Variants in GOLGA3 observed in about 807,000 individuals in gnomAD.
GOLGA3 encodes the protein golgin A3.
In GOLGA3, 75 loss-of-function variants were observed where a neutral mutation model predicts 169.4. The observed-to-expected ratio is 0.44, with a 90% CI of 0.37 to 0.54. GOLGA3 has a LOEUF of 0.54. Among genes scored for constraint, GOLGA3 ranks in the 20% least tolerant of loss-of-function variants. The pLI, the probability that GOLGA3 is intolerant of heterozygous loss-of-function variation, is 0.00. For missense variants in GOLGA3, 1,899 were observed against 1,930.0 expected (o/e 0.98, Z 0.30); for synonymous variants, 824 against 822.4 (o/e 1.00, Z -0.03).
intron 8 of GOLGA3, among the ~76,000 whole-genome samples, chr12:132,801,051 G>A (rs773925259): frequency 7.2e-5 from 11 of 152,230 alleles, no homozygotes; most frequent in Non-Finnish European, 1.5e-4. Context: ...GCTGAGACTC[G>A]GATCGAGGTT....
intron 11 of GOLGA3, among the ~76,000 whole-genome samples, chr12:132,794,450 T>A (rs1485693756): frequency 6.6e-6 from 1 of 151,652 alleles, no homozygotes; most frequent in Non-Finnish European, 1.5e-5. Context: ...GTCGGCTGAC[T>A]ATGGTCCCCA....
chr12:132,773,849 T>G lies in GOLGA3; in HGVS notation c.4307+308A>C, dbSNP rs1274038106. 2.4e-5 allele frequency among the ~76,000 whole-genome samples: 3 copies of G among 124,628 alleles called. No homozygotes were observed. The East Asian group carries it at 8.2e-4, about 34-fold the overall frequency. 81.8% of individuals were successfully genotyped at this position (124,628 alleles called of 152,430 possible). On this transcript the variant is annotated intron_variant, in intron 23 of 23. Transcript: ENST00000450791. ...GGCTGTGCGAGTCCCCCTCCCCCTTTATATAAACCGCAGAGGCTGTGAGTC... is the reference window on the plus strand; with the variant it reads ...GGCTGTGCGAGTCCCCCTCCCCCTTGATATAAACCGCAGAGGCTGTGAGTC...
At chr12:132,816,901 G>A (rs1373475913) in intron 2 of GOLGA3, 89 bp from the exon 3 acceptor site, 14 of 1,181,120 alleles carry the variant, frequency 1.2e-5, no homozygotes, top group Non-Finnish European at 1.1e-5. Flanking sequence ...GGAGAGAAGA[G>A]GATCCAGACT....
chr12:132,780,120 T>TGC (rs2045504379), intron 18 of GOLGA3, among the ~76,000 whole-genome samples: 3 of 23,944 alleles, frequency 1.3e-4, no homozygotes, highest in East Asian at 9.6e-4. Context: ...GCCCCCCGCG[T>TGC]GCACACACCC....
Position 132,801,749 on chromosome 12 carries a change from G to T in GOLGA3, c.1800+18C>A, listed in dbSNP as rs1229095943. 1 of 1,606,218 alleles carries T rather than the reference G, an allele frequency of 6.2e-7. No individual in the cohort carries two copies. Among genetic ancestry groups the T allele is most frequent in the Non-Finnish European group, 8.5e-7 (1 of 1,174,958 alleles). ...ACAAGAAGCGTGACCTGCCCTGGAA[G>T]GTAGATGTGGGCCGTACCTGGATGT... On this transcript the variant is annotated intron_variant, in intron 8 of 23. Transcript: ENST00000450791.
At position 132,796,043 on chromosome 12, in the gene GOLGA3, C is replaced by T. The variant is rs1303048231; in HGVS notation, c.2278G>A (p.Glu760Lys). The stretch of plus-strand genomic sequence containing the variant: ...ATCGTGTCCTCCCTGGAGGCGGCCT[C>T]GCCCTGCAGCTCCCCCAGCCTGGCC... ...LQARLGELQG[E>K]AASREDTICL... The change falls in exon 11 of 24, where the codon GAG (glutamate) becomes AAG (lysine). Residue 760 changes from glutamate to lysine, a missense_variant. Glu to Lys is a moderately conservative substitution (Grantham distance 56). Coordinates refer to ENST00000450791, the MANE Select transcript of GOLGA3 (RefSeq NM_001389683.1). The T allele has an allele frequency of 2.5e-6, 4 of 1,612,402 alleles. No individual in the cohort carries two copies. The highest frequency in any genetic ancestry group is 1.3e-5 in the African/African-American group (1 of 74,938).
intron 2 of GOLGA3, among the ~76,000 whole-genome samples, chr12:132,820,344 A>C (rs1950156515): frequency 6.6e-6 from 1 of 152,174 alleles, no homozygotes; most frequent in Non-Finnish European, 1.5e-5. Context: ...GACTCTAAAA[A>C]CAGTAATAAA....
At chr12:132,783,582 C>T (rs1440992379) in intron 16 of GOLGA3, among the ~76,000 whole-genome samples, 1 of 63,106 alleles carries the variant, frequency 1.6e-5, no homozygotes, top group Non-Finnish European at 3.7e-5. Flanking sequence ...AGATATCTGA[C>T]GTTTTTCTTT....
intron 23 of GOLGA3, among the ~76,000 whole-genome samples, chr12:132,773,713 C>T (rs914365747): frequency 1.3e-5 from 2 of 152,198 alleles, no homozygotes; most frequent in African/African-American, 4.8e-5. Context: ...GCTGTGTGTG[C>T]GAGTTCCCCC....
At chr12:132,814,529 G>A (rs1406506552) in intron 3 of GOLGA3, among the ~76,000 whole-genome samples, 1 of 152,214 alleles carries the variant, frequency 6.6e-6, no homozygotes, top group African/African-American at 2.4e-5. Flanking sequence ...GTGGGGTCAC[G>A]AGACCCCGAG....
intron 6 of GOLGA3, among the ~76,000 whole-genome samples, chr12:132,806,256 G>C (rs1473785356): frequency 4.6e-5 from 7 of 152,204 alleles, no homozygotes; most frequent in Non-Finnish European, 8.8e-5. Flanking sequence ...ATCCTAAGAG[G>C]ATAAGAAGAC....
chr12:132,775,085 C>A (rs1407162525), intron 22 of GOLGA3, 56 bp downstream of exon 22: 1 of 1,510,540 alleles, frequency 6.6e-7, no homozygotes, highest in Non-Finnish European at 9.0e-7. Context: ...AGCCTCCTGT[C>A]CGAGAGCATC....
At chr12:132,786,656 T>G in intron 14 of GOLGA3, 37 bp downstream of exon 14, 27 of 564,508 alleles carry the variant, frequency 4.8e-5, no homozygotes, top group African/African-American at 1.2e-4. Flanking sequence ...ACCTCCCACC[T>G]GGCCCCCGCA....
At chr12:132,824,099 C>A (rs1405313189) in intron 1 of GOLGA3, among the ~76,000 whole-genome samples, 2 of 151,846 alleles carry the variant, frequency 1.3e-5, no homozygotes, top group African/African-American at 4.8e-5. Flanking sequence ...CAAAAAACAA[C>A]AAAAAAAAGA....
At chr12:132,785,231 TAGTG>T (rs1450316396) in intron 15 of GOLGA3, among the ~76,000 whole-genome samples, 2 of 152,142 alleles carry the variant, frequency 1.3e-5, no homozygotes, top group Non-Finnish European at 2.9e-5. Context: ...CCCCAGCCCT[TAGTG>T]AGCCCAAAGA....
In GOLGA3 at chr12:132,804,224, T is replaced by G. The variant is rs1031335397; in HGVS notation, c.1597+492A>C. On this transcript the variant is annotated intron_variant, in intron 7 of 23. Transcript: ENST00000450791. This position sits in a 1 kb window ranked among gnomAD's most constrained non-coding sequence, Gnocchi z 4.1. ...GTCAAGGAGCTGTTCTTGAATATTT[T>G]AAATGGAATCTGCAATTCTGTGGAA... 6.6e-6 allele frequency among the ~76,000 whole-genome samples: 1 copy of G among 152,188 alleles called. No homozygotes were observed. Among genetic ancestry groups the G allele is most frequent in the Non-Finnish European group, 1.5e-5 (1 of 68,030 alleles).
chr12:132,797,846 A>G (rs1566105041), intron 9 of GOLGA3, among the ~76,000 whole-genome samples: 1 of 152,246 alleles, frequency 6.6e-6, no homozygotes, highest in East Asian at 1.9e-4. Flanking sequence ...TGACCTCGAC[A>G]GCGTGTGGTT....
intron 13 of GOLGA3, among the ~76,000 whole-genome samples, chr12:132,787,052 C>CA (rs776002668): frequency 6.6e-6 from 1 of 152,016 alleles, no homozygotes; most frequent in Non-Finnish European, 1.5e-5. Context: ...CTCCCAGGTT[C>CA]AAGTGATTCT....
chr12:132,826,247 A>AT, intron 1 of GOLGA3: 1 of 1,315,002 alleles, frequency 7.6e-7, no homozygotes, highest in Non-Finnish European at 1.0e-6. Flanking sequence ...CTCCAAAAAA[A>AT]AAAAAAAAAA....
Sources: allele counts gnomAD v4.1 joint callset (sites outside exome capture counted in the v4.1 genomes callset), GRCh38; gene constraint gnomAD v4.1.1; non-coding constraint Gnocchi (gnomAD v3.1); transcripts MANE v1.5; gene names NCBI Gene and HGNC (gene_info 2026-07-23, HGNC 2026-07-21).